Variants in ERC2 observed in about 807,000 individuals in gnomAD.
The protein encoded by ERC2 is ERC protein 2.
A neutral mutation model predicts 114.8 loss-of-function variants in ERC2; 42 were observed. That is an observed-to-expected ratio of 0.37 (90% confidence interval 0.29 to 0.47). The LOEUF (loss-of-function observed/expected upper bound fraction) is 0.47, where lower values mean the gene tolerates loss of function less well. Among genes scored for constraint, ERC2 ranks in the 20% least tolerant of loss-of-function variants. The pLI is 0.99. For synonymous variants in ERC2, 454 were observed against 425.5 expected, an observed-to-expected ratio of 1.07 and a Z score of -0.82; for missense variants, 939 against 1,150.7, an observed-to-expected ratio of 0.82 and a Z score of 2.66.
intron 2 of ERC2, among the ~76,000 whole-genome samples, chr3:56,400,716 C>T (rs6776772): frequency 0.48 from 72,984 of 151,968 alleles, 17,857 homozygotes; most frequent in Admixed American, 0.56. Context: ...GTAAACAAAA[C>T]TCTAATGAAT....
chr3:55,986,280 G>A (rs983424157), intron 11 of ERC2, among the ~76,000 whole-genome samples: 2 of 152,184 alleles, frequency 1.3e-5, no homozygotes, highest in Non-Finnish European at 2.9e-5. Context: ...TGCTCCCACA[G>A]TACAATGACA....
intron 3 of ERC2, among the ~76,000 whole-genome samples, chr3:56,262,233 C>T (rs947636932): frequency 2.6e-5 from 4 of 152,184 alleles, no homozygotes; most frequent in Admixed American, 6.5e-5. Flanking sequence ...CTCCTGCTGG[C>T]CCCTGCTGTG....
At chr3:55,533,826 T>G (rs2053822417) in intron 17 of ERC2, among the ~76,000 whole-genome samples, 1 of 152,214 alleles carries the variant, frequency 6.6e-6, no homozygotes, top group African/African-American at 2.4e-5. Flanking sequence ...TTCCAGATGC[T>G]GAGGTTCCTT....
At chr3:55,778,184 A>T (rs2068764168) in intron 14 of ERC2, among the ~76,000 whole-genome samples, 1 of 152,226 alleles carries the variant, frequency 6.6e-6, no homozygotes. Flanking sequence ...GTGTGTATGT[A>T]TATATGTAAA....
At chr3:55,949,603 G>A (rs1045633820) in intron 13 of ERC2, among the ~76,000 whole-genome samples, 38 of 151,962 alleles carry the variant, frequency 2.5e-4, no homozygotes, top group Admixed American at 2.5e-3. Flanking sequence ...TTCTCTTTTG[G>A]CCAATTAAAA....
chr3:56,305,365 A>T (rs1034080784), intron 2 of ERC2, among the ~76,000 whole-genome samples: 43 of 152,282 alleles, frequency 2.8e-4, no homozygotes, highest in African/African-American at 9.9e-4. Context: ...AAAATGCACA[A>T]AAGAAATGAG....
intron 17 of ERC2, among the ~76,000 whole-genome samples, chr3:55,525,320 G>A (rs2053239543): frequency 1.3e-5 from 2 of 152,180 alleles, no homozygotes; most frequent in Non-Finnish European, 2.9e-5. Flanking sequence ...GGGGATTTGA[G>A]GGGGAGTAGG....
chr3:56,415,592 C>A (rs1034884708), intron 2 of ERC2, among the ~76,000 whole-genome samples: 2 of 152,242 alleles, frequency 1.3e-5, no homozygotes, highest in African/African-American at 4.8e-5. Context: ...TATTTAAGAA[C>A]AACCTCTTTT....
intron 3 of ERC2, among the ~76,000 whole-genome samples, chr3:56,174,975 TA>T (rs3052701): frequency 0.084 from 12,147 of 145,068 alleles, 677 homozygotes; most frequent in East Asian, 0.15. Context: ...AGACTCTGTC[TA>T]AAAAAAAAAA....
intron 1 of ERC2, among the ~76,000 whole-genome samples, chr3:56,444,698 A>T (rs1388908682): frequency 6.6e-6 from 1 of 152,214 alleles, no homozygotes; most frequent in East Asian, 1.9e-4. Flanking sequence ...CTATTTTAAG[A>T]CAAAAGCACT....
chr3:55,539,414 T>G (rs1244671292), intron 17 of ERC2, among the ~76,000 whole-genome samples: 1 of 116,410 alleles, frequency 8.6e-6, no homozygotes, highest in Non-Finnish European at 1.7e-5. Context: ...TTTTTTTCTT[T>G]CTTTTTTTTT....
intron 13 of ERC2, 26 bp from the exon 14 acceptor site, chr3:55,888,575 G>A (rs143896810): frequency 2.2e-5 from 36 of 1,610,188 alleles, no homozygotes; most frequent in Middle Eastern, 3.3e-4. Flanking sequence ...AGCTCTGTGT[G>A]TTATTTCTCC....
chr3:55,868,047 T>C (rs1009771993), intron 14 of ERC2, among the ~76,000 whole-genome samples: 6 of 152,208 alleles, frequency 3.9e-5, no homozygotes, highest in African/African-American at 1.4e-4. Flanking sequence ...GGCCCTACCA[T>C]GACGATAGCT....
intron 3 of ERC2, among the ~76,000 whole-genome samples, chr3:56,284,642 G>A (rs143645107): frequency 6.6e-6 from 1 of 152,214 alleles, no homozygotes; most frequent in East Asian, 1.9e-4. Context: ...AAGCAGGGAT[G>A]ACAACCTTTA....
intron 2 of ERC2, among the ~76,000 whole-genome samples, chr3:56,379,088 G>C (rs192778415): frequency 6.6e-6 from 1 of 151,980 alleles, no homozygotes; most frequent in African/African-American, 2.4e-5. Flanking sequence ...CTTTTTTGTT[G>C]TATTAAATCT....
chr3:55,831,175 G>A (rs943038142), intron 14 of ERC2, among the ~76,000 whole-genome samples: 6 of 149,136 alleles, frequency 4.0e-5, no homozygotes, highest in South Asian at 4.3e-4. Context: ...AGCCAGGCAG[G>A]GTGGCACAAT....
At chr3:55,774,922 C>A (rs1420796388) in intron 14 of ERC2, among the ~76,000 whole-genome samples, 2 of 152,210 alleles carry the variant, frequency 1.3e-5, no homozygotes, top group Admixed American at 1.3e-4. Context: ...TTGGTTCTTG[C>A]CTCATTAAAC....
chr3:55,951,299 A>T (rs908358901), intron 12 of ERC2, among the ~76,000 whole-genome samples: 1 of 152,230 alleles, frequency 6.6e-6, no homozygotes, highest in Non-Finnish European at 1.5e-5. Context: ...ATTTTAAAAT[A>T]ACAATTATGA....
intron 8 of ERC2, among the ~76,000 whole-genome samples, chr3:56,018,656 A>G (rs2073480272): frequency 6.6e-6 from 1 of 152,142 alleles, no homozygotes; most frequent in Non-Finnish European, 1.5e-5. Flanking sequence ...CAAGCTAGTG[A>G]AGGTTTTTAA....
Sources: allele counts gnomAD v4.1 joint callset (sites outside exome capture counted in the v4.1 genomes callset), GRCh38; gene constraint gnomAD v4.1.1; transcripts MANE v1.5; gene names NCBI Gene and HGNC (gene_info 2026-07-23, HGNC 2026-07-21).